The following RRP9 variants were observed in gnomAD, a reference collection of about 807,000 sequenced individuals.
The protein encoded by RRP9 is U3 small nucleolar RNA-interacting protein 2.
Under a neutral mutation model 65.5 loss-of-function variants are expected in RRP9, and 35 were observed. The observed-to-expected ratio is 0.53, with a 90% CI of 0.41 to 0.71. RRP9 has a LOEUF of 0.71. Ranked by LOEUF, RRP9 falls within the 30% of genes least tolerant of loss-of-function variation. The pLI, the probability that RRP9 is intolerant of heterozygous loss-of-function variation, is 0.00. For synonymous variants in RRP9, 254 were observed against 245.0 expected (o/e 1.04, Z -0.34); for missense variants, 533 against 633.6 (o/e 0.84, Z 1.70).
intron 2 of RRP9, among the ~76,000 whole-genome samples, chr3:51,938,513 A>C (rs1699483037): frequency 6.6e-6 from 1 of 152,202 alleles, no homozygotes; most frequent in Non-Finnish European, 1.5e-5. Context: ...ACATACAAAG[A>C]GTCAGGAATC....
Position 51,933,730 on chromosome 3 carries a change from C to T in RRP9, c.1312G>A (p.Ala438Thr). The T allele has an allele frequency of 6.2e-7, 1 of 1,614,152 alleles. No individual in the cohort carries two copies. Among genetic ancestry groups the T allele is most frequent in the Non-Finnish European group, 8.5e-7 (1 of 1,180,018 alleles). ...KFSSSGDFLV[A>T]GVGQEHRLGR... ...TACCTGTGCTCCTGCCCTACCCCAG[C>T]CACCAGGAAGTCCCCAGAGCTGGAG... Residue 438 changes from alanine to threonine, a missense_variant, in exon 14 of 15, where the codon GCT becomes ACT. By Grantham distance (58) the Ala-to-Thr change is moderately conservative. This residue lies in a region of RRP9 where 449 missense variants were observed against 550.6 expected (regional missense o/e 0.82). Coordinates refer to ENST00000232888, the MANE Select transcript of RRP9 (RefSeq NM_004704.5).
intron 11 of RRP9, 120 bp downstream of exon 11, chr3:51,935,077 A>T: frequency 1.9e-6 from 2 of 1,077,174 alleles, no homozygotes. Flanking sequence ...ATCCTCATCC[A>T]TGAAAAGAGG....
chr3:51,933,533 G>A lies in RRP9; in HGVS notation c.1401C>T (p.Val467=). The A allele has an allele frequency of 6.2e-7, 1 of 1,614,050 alleles. No individual in the cohort carries two copies. The change falls in exon 15 of 15, where the codon GTC becomes GTT. Residue 467 remains valine, a synonymous_variant. Coordinates refer to ENST00000232888, the MANE Select transcript of RRP9 (RefSeq NM_004704.5). ...NSVCIIPLRR[V]PVPPAAGS ...AGGAACCAGCAGCTGGGGGTACAGG[G>A]ACCCTGCGGAGTGGGATGATGCAGA...
intron 2 of RRP9, among the ~76,000 whole-genome samples, chr3:51,940,068 C>T (rs1183059727): frequency 6.6e-6 from 1 of 152,090 alleles, no homozygotes; most frequent in African/African-American, 2.4e-5. Flanking sequence ...ACCAGCCTGG[C>T]CAACATGGTG....
intron 9 of RRP9, 38 bp from the exon 10 acceptor site, chr3:51,935,514 G>A (rs755657909): frequency 6.2e-7 from 1 of 1,613,902 alleles, no homozygotes; most frequent in South Asian, 1.1e-5. Flanking sequence ...GGGGATAGGG[G>A]TACTGCATGA....
chr3:51,933,859 G>T, intron 13 of RRP9, 78 bp from the exon 14 acceptor site: 3 of 1,349,502 alleles, frequency 2.2e-6, no homozygotes, highest in Non-Finnish European at 2.1e-6. Context: ...TCAAGGGCTG[G>T]GCCTTATCAG....
chr3:51,935,167 G>C (rs369033312), intron 11 of RRP9, 30 bp downstream of exon 11: 67 of 1,578,998 alleles, frequency 4.2e-5, no homozygotes, highest in Non-Finnish European at 5.5e-5. Flanking sequence ...AGCAGAAGCC[G>C]TGGCCAGAGA....
intron 2 of RRP9, among the ~76,000 whole-genome samples, chr3:51,939,551 G>A (rs1018190894): frequency 1.3e-5 from 2 of 152,220 alleles, no homozygotes; most frequent in African/African-American, 4.8e-5. Flanking sequence ...GTTCTGGAGG[G>A]TGATGAAACT....
chr3:51,933,693 GA>G lies in RRP9; in HGVS notation c.1334+14del, dbSNP rs1559742552. On this transcript the variant is annotated intron_variant, in intron 14 of 14. Transcript: ENST00000232888. ...CCTGCACCACCTTACCTGAACCCTCGAGGGCCACACATACCTGTGCTCCTGC... is the reference window on the plus strand; with the variant it reads ...CCTGCACCACCTTACCTGAACCCTCGGGGCCACACATACCTGTGCTCCTGC... The G allele has an allele frequency of 6.2e-7, 1 of 1,613,686 alleles. No homozygotes were observed. Among genetic ancestry groups the G allele is most frequent in the Non-Finnish European group, 8.5e-7 (1 of 1,179,778 alleles).
In RRP9 at chr3:51,941,448, T is replaced by C. The variant is rs1211023269; in HGVS notation, c.131A>G (p.Lys44Arg). 1 of 1,614,008 alleles carries C rather than the reference T, an allele frequency of 6.2e-7. No individual in the cohort carries two copies. The highest frequency in any genetic ancestry group is 8.5e-7 in the Non-Finnish European group (1 of 1,180,012). The change falls in exon 2 of 15, where the codon AAG becomes AGG. Residue 44 changes from lysine to arginine, a missense_variant. Physicochemically the swap from Lys to Arg is conservative, Grantham distance 26 (BLOSUM62 2). Transcript: ENST00000232888. ...GDRGKSKGGG[K>R]MNEEISSDSE... ...GTCGCTGGAGATCTCCTCATTCATCTTGCCGCCACCCTTGGATTTGCCCCT... is the reference window on the plus strand; with the variant it reads ...GTCGCTGGAGATCTCCTCATTCATCCTGCCGCCACCCTTGGATTTGCCCCT...
chr3:51,940,028 G>A (rs1271996498), intron 2 of RRP9, among the ~76,000 whole-genome samples: 2 of 152,204 alleles, frequency 1.3e-5, no homozygotes, highest in Non-Finnish European at 2.9e-5. Context: ...AGGCTAAGAT[G>A]GGCGGATCAC....
intron 13 of RRP9, 43 bp from the exon 14 acceptor site, chr3:51,933,824 G>C: frequency 6.4e-7 from 1 of 1,564,996 alleles, no homozygotes; most frequent in Non-Finnish European, 8.8e-7. Context: ...AACGCCCCCC[G>C]CCACCACCGT....
rs1327300798 is a variant in RRP9, at chr3:51,934,052, GT to G, written c.1261-272del. ...TATGGCCTGAGGCTGGCTCCTGGTG[GT>G]GGGGCCCTGGAGACCCCATGACTGT... On this transcript the variant is annotated intron_variant, in intron 13 of 14. Coordinates refer to ENST00000232888, the MANE Select transcript of RRP9 (RefSeq NM_004704.5). This position sits in a 1 kb window ranked among gnomAD's most constrained non-coding sequence, Gnocchi z 4.1. Among the ~76,000 whole-genome samples, 1 of 152,188 alleles carries G rather than the reference GT, an allele frequency of 6.6e-6. No individual in the cohort carries two copies. Among genetic ancestry groups the G allele is most frequent in the African/African-American group, 2.4e-5 (1 of 41,428 alleles).
chr3:51,937,091 C>T lies in RRP9; in HGVS notation c.517+101G>A. On this transcript the variant is annotated intron_variant, in intron 6 of 14. Coordinates refer to ENST00000232888, the MANE Select transcript of RRP9 (RefSeq NM_004704.5). This position sits in a 1 kb window ranked among gnomAD's most constrained non-coding sequence, Gnocchi z 5.0. Reference sequence around the variant, plus strand: ...GCAGCAAACCTGCCTCCAGAGACTTCCCCACTTCAGGGCTCAGCCTGCCAT... The same window carrying T: ...GCAGCAAACCTGCCTCCAGAGACTTTCCCACTTCAGGGCTCAGCCTGCCAT... The T allele has an allele frequency of 1.4e-6, 2 of 1,463,898 alleles. No homozygotes were observed. The highest frequency in any genetic ancestry group is 1.2e-5 in the South Asian group (1 of 80,472). 90.7% of individuals were successfully genotyped at this position (1,463,898 alleles called of 1,614,324 possible).
intron 2 of RRP9, among the ~76,000 whole-genome samples, chr3:51,938,919 G>A (rs747308374): frequency 6.6e-6 from 1 of 152,300 alleles, no homozygotes; most frequent in East Asian, 1.9e-4. Context: ...GGTTCCAAGC[G>A]AACCTTCACT....
intron 6 of RRP9, among the ~76,000 whole-genome samples, 190 bp from the exon 7 acceptor site, chr3:51,936,745 T>C (rs1188573513): frequency 6.6e-6 from 1 of 151,974 alleles, no homozygotes; most frequent in East Asian, 1.9e-4. Flanking sequence ...GGGACATTAG[T>C]GCCAAACAGC....
rs1176315552 is a variant in RRP9, at chr3:51,937,164, C to T, written c.517+28G>A. On this transcript the variant is annotated intron_variant, in intron 6 of 14. Coordinates refer to ENST00000232888, the MANE Select transcript of RRP9 (RefSeq NM_004704.5). The surrounding 1 kb of genome is among the most constrained non-coding windows in gnomAD (Gnocchi z 5.0). ...AGCCCTCCCGGATCCGCCATGGGGG[C>T]TCCAGCCCCACCCAGGCACTCACTC... The T allele has an allele frequency of 6.2e-7, 1 of 1,610,812 alleles. No individual in the cohort carries two copies. The highest frequency in any genetic ancestry group is 1.3e-5 in the African/African-American group (1 of 74,858).
chr3:51,941,796 G>GCCGGCCCCCGCGCCAGCC lies in RRP9; in HGVS notation c.54_71dup (p.Ala19_Gly24dup), dbSNP rs1233219536. On this transcript the variant is annotated inframe_insertion, in exon 1 of 15. Transcript: ENST00000232888. ...CCATGCTCACCTTTCGCCGCCGCTT[G>GCCGGCCCCCGCGCCAGCC]CCGGCCCCCGCGCCAGCCCCGGCCC... The GCCGGCCCCCGCGCCAGCC allele has an allele frequency of 6.4e-7, 1 of 1,567,666 alleles. No homozygotes were observed. Among genetic ancestry groups the GCCGGCCCCCGCGCCAGCC allele is most frequent in the Admixed American group, 1.7e-5 (1 of 57,174 alleles).
At position 51,934,791 on chromosome 3, in the gene RRP9, G is replaced by C. The variant is rs776382855; in HGVS notation, c.1035-15C>G. Reference sequence around the variant, plus strand: ...AGGCCACAGAGCTATAAACAGGGAGGGAATACAGCAGTGAGGGGGCCAGAG... The same window carrying C: ...AGGCCACAGAGCTATAAACAGGGAGCGAATACAGCAGTGAGGGGGCCAGAG... On this transcript the variant is annotated splice_polypyrimidine_tract_variant and intron_variant, in intron 11 of 14. Coordinates refer to ENST00000232888, the MANE Select transcript of RRP9 (RefSeq NM_004704.5). This position sits in a 1 kb window ranked among gnomAD's most constrained non-coding sequence, Gnocchi z 4.1. The C allele has an allele frequency of 6.2e-7, 1 of 1,607,600 alleles. No homozygotes were observed. The highest frequency in any genetic ancestry group is 8.5e-7 in the Non-Finnish European group (1 of 1,176,228).
Sources: gnomAD v4.1 joint callset for allele counts (sites outside exome capture counted in the v4.1 genomes callset) on GRCh38, gnomAD v4.1.1 for gene constraint, gnomAD v4.1.1 regional missense constraint, Gnocchi (gnomAD v3.1) non-coding constraint, MANE v1.5 for transcripts, NCBI Gene and HGNC (gene_info 2026-07-23, HGNC 2026-07-21) for gene names.